SLC35A3: variants seen among roughly 807,000 people sequenced by gnomAD.
SLC35A3 encodes the protein UDP-N-acetylglucosamine transporter.
SLC35A3 carries 26 observed loss-of-function variants against 39.0 expected under a neutral mutation model. The ratio of observed to expected loss-of-function variants is 0.67; its 90% confidence interval spans 0.49 to 0.92. SLC35A3 has a LOEUF of 0.92. Among genes scored for constraint, SLC35A3 ranks in the 40% least tolerant of loss-of-function variants. The pLI is 0.00. For synonymous variants in SLC35A3, 135 were observed against 133.1 expected (o/e 1.01, Z -0.10); for missense variants, 299 against 371.6 (o/e 0.80, Z 1.61).
rs2101555551 is a variant in SLC35A3 at position 100,032,104 on chromosome 1, ATT to A, written c.*9629_*9630del. On this transcript the variant is annotated 3_prime_UTR_variant, in exon 8 of 8. Coordinates refer to ENST00000533028, the MANE Select transcript of SLC35A3 (RefSeq NM_012243.3). ...ATTAAAAGGCACAGATAATCTCATTATTAATGTTGGTAATTATTTGGTTAAGA... is the reference window on the plus strand; with the variant it reads ...ATTAAAAGGCACAGATAATCTCATTAAATGTTGGTAATTATTTGGTTAAGA... 7.0e-6 allele frequency: 1 copy of A among 143,074 alleles called. No homozygotes were observed. The highest frequency in any genetic ancestry group is 1.9e-4 in the East Asian group (1 of 5,158). 8.9% of individuals were successfully genotyped at this position (143,074 alleles called of 1,614,324 possible).
chr1:99,999,207 A>T, intron 2 of SLC35A3, 54 bp from the exon 3 acceptor site: 1 of 1,172,090 alleles, frequency 8.5e-7, no homozygotes, highest in Non-Finnish European at 1.2e-6. Context: ...GAGAGCAGAT[A>T]TGTAACTTAT....
At chr1:100,022,151 G>T (rs1190761401) in intron 7 of SLC35A3, among the ~76,000 whole-genome samples, 1 of 151,856 alleles carries the variant, frequency 6.6e-6, no homozygotes, top group African/African-American at 2.4e-5. Flanking sequence ...TTCCTCATGT[G>T]TAAAAAATGA....
intron 3 of SLC35A3, among the ~76,000 whole-genome samples, chr1:100,001,907 G>A (rs1319304878): frequency 6.6e-6 from 1 of 152,048 alleles, no homozygotes; most frequent in African/African-American, 2.4e-5. Flanking sequence ...TACATTTATT[G>A]ATTTTGCATA....
chr1:100,019,465 T>C (rs939017638), intron 7 of SLC35A3, among the ~76,000 whole-genome samples: 12 of 152,204 alleles, frequency 7.9e-5, no homozygotes, highest in African/African-American at 2.2e-4. Flanking sequence ...AGAAGATGGA[T>C]TCTTTTTCCT....
rs374693818 is a variant in SLC35A3 at position 100,033,700 on chromosome 1, CTA to C, written c.*11226_*11227del. On this transcript the variant is annotated 3_prime_UTR_variant, in exon 8 of 8. Transcript: ENST00000533028. The stretch of plus-strand genomic sequence containing the variant: ...TGTTCTTTGACTCTTATCTAATTGT[CTA>C]TGTGACCGTCAGTGAATATATTATC... 1 of 152,060 alleles carries C rather than the reference CTA, an allele frequency of 6.6e-6. No homozygotes were observed. The highest frequency in any genetic ancestry group is 2.4e-5 in the African/African-American group (1 of 41,408). The allele number at this position is 152,060 out of a possible 1,614,324, so 9.4% of individuals were successfully genotyped here. A position where few individuals can be genotyped will look rare whatever the true frequency, so the allele number is the denominator to read the frequency against.
rs1463946494 is a variant in SLC35A3, at chr1:100,034,101, C to G, written c.*11625C>G. On this transcript the variant is annotated 3_prime_UTR_variant, in exon 8 of 8. Coordinates refer to ENST00000533028, the MANE Select transcript of SLC35A3 (RefSeq NM_012243.3). ...CTGTTGGGTTGCTTGATGTTATCAT[C>G]AAGAAGTGTGGCACCACTTGATTTT... The G allele has an allele frequency of 6.6e-6, 1 of 152,180 alleles. No individual in the cohort carries two copies. The highest frequency in any genetic ancestry group is 2.4e-5 in the African/African-American group (1 of 41,450). The allele number at this position is 152,180 out of a possible 1,614,324, so 9.4% of individuals were successfully genotyped here.
At chr1:99,972,048 G>A (rs1417623105) in intron 1 of SLC35A3, among the ~76,000 whole-genome samples, 5 of 151,836 alleles carry the variant, frequency 3.3e-5, no homozygotes, top group Non-Finnish European at 7.4e-5. Context: ...ACAGGTGCCC[G>A]CCACCACACC....
At chr1:100,008,372 A>G (rs1659391430) in intron 4 of SLC35A3, 1 of 152,200 alleles carries the variant, frequency 6.6e-6, no homozygotes, top group Non-Finnish European at 1.5e-5. Flanking sequence ...ACAGTTAGGT[A>G]TTTTAAATTA....
chr1:99,997,394 TGTTTTATATATA>T (rs1296009220), intron 2 of SLC35A3, among the ~76,000 whole-genome samples: 3 of 128,712 alleles, frequency 2.3e-5, no homozygotes, highest in African/African-American at 9.2e-5. Flanking sequence ...TACAGTTATA[TGTTTTATATATA>T]GTTTTATATA....
In SLC35A3 at chr1:99,993,576, G is replaced by A. The variant is rs74102304; in HGVS notation, c.22G>A (p.Val8Ile). MFANLKY[V>I]SLGILVFQTT... ...AACAATGTTCGCCAACCTAAAATAC[G>A]TTTCCCTGGGAATTTTGGTCTTTCA... Residue 8 changes from valine to isoleucine, a missense_variant, in exon 2 of 8, where the codon GTT becomes ATT. Transcript: ENST00000533028. 10,201 of 1,613,610 alleles carry A rather than the reference G, an allele frequency of 6.3e-3. 514 individuals are homozygous for A. In the African/African-American group the frequency reaches 0.11, roughly 18 times the overall value.
chr1:100,012,390 T>C (rs766179426), intron 5 of SLC35A3, among the ~76,000 whole-genome samples: 5 of 151,986 alleles, frequency 3.3e-5, no homozygotes, highest in African/African-American at 4.8e-5. Context: ...GAATTCATGA[T>C]TCTAATGTGC....
In SLC35A3 at chr1:99,993,573, T is replaced by C. The variant is rs1431115144; in HGVS notation, c.19T>C (p.Tyr7His). 2 of 1,614,012 alleles carry C rather than the reference T, an allele frequency of 1.2e-6. No homozygotes were observed. Among genetic ancestry groups the C allele is most frequent in the Non-Finnish European group, 1.7e-6 (2 of 1,179,936 alleles). Residue 7 changes from tyrosine to histidine, a missense_variant, in exon 2 of 8, where the codon TAC becomes CAC. Tyr to His is a moderately conservative substitution (Grantham distance 83). Coordinates refer to ENST00000533028, the MANE Select transcript of SLC35A3 (RefSeq NM_012243.3). ...TAAAACAATGTTCGCCAACCTAAAA[T>C]ACGTTTCCCTGGGAATTTTGGTCTT... Reference protein sequence around the residue: MFANLKYVSLGILVFQT... With the variant: MFANLKHVSLGILVFQT...
intron 6 of SLC35A3, among the ~76,000 whole-genome samples, chr1:100,016,793 G>A (rs989499156): frequency 1.1e-4 from 16 of 152,182 alleles, no homozygotes; most frequent in Non-Finnish European, 8.8e-5. Flanking sequence ...TATGTATGAT[G>A]TATCTTATTC....
rs72967671 is a variant in SLC35A3 at position 100,024,589 on chromosome 1, A to G, written c.*2113A>G. 1.7e-5 allele frequency: 4 copies of G among 238,908 alleles called. No individual in the cohort carries two copies. Among genetic ancestry groups the G allele is most frequent in the East Asian group, 7.3e-5 (1 of 13,726 alleles). The allele number at this position is 238,908 out of a possible 1,614,324, so 14.8% of individuals were successfully genotyped here. A position where few individuals can be genotyped will look rare whatever the true frequency, so the allele number is the denominator to read the frequency against. On this transcript the variant is annotated 3_prime_UTR_variant, in exon 8 of 8. Coordinates refer to ENST00000533028, the MANE Select transcript of SLC35A3 (RefSeq NM_012243.3). ...AGAAAACACACACACACACACACACACCCACAGTATGAATGAAAAAAATAA... is the reference window on the plus strand; with the variant it reads ...AGAAAACACACACACACACACACACGCCCACAGTATGAATGAAAAAAATAA...
In SLC35A3 at chr1:100,025,083, C is replaced by T. The variant is rs1261342114; in HGVS notation, c.*2607C>T. ...GGTACCAAGCAAACTTTCTGGATGC[C>T]CAACATGATTTTCAGTAACCACCCT... is the stretch of plus-strand genomic sequence containing the variant. On this transcript the variant is annotated 3_prime_UTR_variant, in exon 8 of 8. Coordinates refer to ENST00000533028, the MANE Select transcript of SLC35A3 (RefSeq NM_012243.3). The T allele has an allele frequency of 5.8e-6, 1 of 172,070 alleles. No individual in the cohort carries two copies. The highest frequency in any genetic ancestry group is 2.4e-5 in the African/African-American group (1 of 42,236). The allele number at this position is 172,070 out of a possible 1,614,324, so 10.7% of individuals were successfully genotyped here.
intron 1 of SLC35A3, among the ~76,000 whole-genome samples, chr1:99,977,477 G>T (rs1191252650): frequency 2.6e-5 from 4 of 151,512 alleles, no homozygotes; most frequent in Non-Finnish European, 5.9e-5. Context: ...GGGAGGTAGA[G>T]GTTGCAGTGA....
intron 3 of SLC35A3, 28 bp downstream of exon 3, chr1:99,999,443 TA>T (rs1229065897): frequency 1.3e-6 from 2 of 1,515,182 alleles, no homozygotes; most frequent in Non-Finnish European, 1.8e-6. Context: ...CTTTCTTTTT[TA>T]AAAAAACTTT....
At chr1:99,984,597 C>T (rs1279270829) in intron 1 of SLC35A3, among the ~76,000 whole-genome samples, 1 of 152,130 alleles carries the variant, frequency 6.6e-6, no homozygotes, top group South Asian at 2.1e-4. Flanking sequence ...GTCTAGATAC[C>T]TAGTAGCAGG....
chr1:99,977,364 C>CAAAAA (rs61423393), intron 1 of SLC35A3, among the ~76,000 whole-genome samples: 5 of 98,456 alleles, frequency 5.1e-5, no homozygotes, highest in African/African-American at 1.8e-4. Flanking sequence ...TTAAAAATAC[C>CAAAAA]AAAAAAAAAA....
Sources: allele counts gnomAD v4.1 joint callset (sites outside exome capture counted in the v4.1 genomes callset), GRCh38; gene constraint gnomAD v4.1.1; transcripts MANE v1.5; gene names NCBI Gene and HGNC (gene_info 2026-07-23, HGNC 2026-07-21).